The following ZNF469 variants were observed in gnomAD, a reference collection of about 807,000 sequenced individuals.
ZNF469 encodes zinc finger protein 469.
A neutral mutation model predicts 1.0 loss-of-function variants in ZNF469; 1 was observed. The ratio of observed to expected loss-of-function variants is 1.00; its 90% CI spans 0.35 to 4.73. The LOEUF is 4.73. ZNF469 is among the 30% of genes most tolerant of loss of function. The pLI is 0.16. For synonymous variants in ZNF469, 2,703 were observed against 2,363.4 expected (o/e 1.14, Z -4.17); for missense variants, 6,100 against 5,356.3 (o/e 1.14, Z -4.33).
the ZNF469 span, among the ~76,000 whole-genome samples, chr16:88,213,300 T>C: frequency 1.3e-5 from 2 of 152,086 alleles, no homozygotes; most frequent in Non-Finnish European, 2.9e-5. Flanking sequence ...AGAGTTTCAC[T>C]GTGTTAGCCA....
the ZNF469 span, among the ~76,000 whole-genome samples, chr16:88,366,793 C>G: frequency 1.5e-4 from 23 of 151,558 alleles, no homozygotes; most frequent in African/African-American, 5.3e-4. Context: ...ACCATCATCA[C>G]CAATACCATT....
At chr16:88,350,872 C>T in the ZNF469 span, among the ~76,000 whole-genome samples, 1 of 152,216 alleles carries the variant, frequency 6.6e-6, no homozygotes, top group Non-Finnish European at 1.5e-5. Context: ...AAAGATTCTC[C>T]CCTGGAGCTT....
In ZNF469 at chr16:88,434,742, A is replaced by C. The variant is rs572687871; in HGVS notation, c.7272A>C (p.Gln2424His). 2.6e-6 allele frequency: 4 copies of C among 1,550,130 alleles called. No individual in the cohort carries two copies. The highest frequency in any genetic ancestry group is 3.5e-6 in the Non-Finnish European group (4 of 1,146,936). The change falls in exon 3 of 3, where the codon CAA (glutamine) becomes CAC (histidine). Residue 2424 changes from glutamine (Q) to histidine (H), a missense_variant. Transcript: ENST00000565624. ...TASDFQSDSPQSHRNASHQTP... is the reference protein window; with the variant it reads ...TASDFQSDSPHSHRNASHQTP... ...GTGACTTCCAGTCTGACTCCCCCCA[A>C]AGCCACAGAAATGCCTCCCACCAGA...
rs555544144 is a variant in ZNF469 at position 88,431,998 on chromosome 16, ATGC to A, written c.4532_4534del (p.Leu1511del). ...TTTGCTGCTTGAGGAAGTATCCCCGATGCTGCCTAGCCATTTTCCTGATCTCTC... is the reference window on the plus strand; with the variant it reads ...TTTGCTGCTTGAGGAAGTATCCCCGATGCCTAGCCATTTTCCTGATCTCTC... On this transcript the variant is annotated inframe_deletion, in exon 3 of 3. Coordinates refer to ENST00000565624, the MANE Select transcript of ZNF469 (RefSeq NM_001367624.2). 4.5e-4 allele frequency: 697 copies of A among 1,548,844 alleles called. 3 individuals carry two copies. The African/African-American group carries it at 8.5e-3, about 19-fold the overall frequency.
the ZNF469 span, among the ~76,000 whole-genome samples, chr16:88,243,942 ATATATATAT>A: frequency 1.8e-5 from 2 of 112,504 alleles, no homozygotes; most frequent in African/African-American, 7.4e-5. Context: ...ATATATATAT[ATATATATAT>A]AAATGTATGT....
At chr16:88,355,421 G>A in the ZNF469 span, among the ~76,000 whole-genome samples, 7 of 152,340 alleles carry the variant, frequency 4.6e-5, no homozygotes, top group South Asian at 2.1e-4. Flanking sequence ...GCTCACGGAC[G>A]AATCAGCTCC....
chr16:88,327,926 AAC>A, the ZNF469 span, among the ~76,000 whole-genome samples: 52 of 152,312 alleles, frequency 3.4e-4, no homozygotes, highest in African/African-American at 1.2e-3. Context: ...GTCTACCAGA[AAC>A]ACTTTCACGG....
At chr16:88,220,509 C>A in the ZNF469 span, among the ~76,000 whole-genome samples, 4 of 152,194 alleles carry the variant, frequency 2.6e-5, no homozygotes, top group African/African-American at 7.2e-5. Context: ...CAGTGTGACC[C>A]ATGACGGGAC....
At position 88,390,369 on chromosome 16, in the gene ZNF469, C is replaced by T. The variant is rs149578953; in HGVS notation, c.-192+7115C>T. On this transcript the variant is annotated intron_variant, in intron 1 of 2. Transcript: ENST00000565624. ...TCAGGGCACCTGTCCAGAGCCTACC[C>T]AGTGGGGAGCAGTCAGAGGGGTTGG... Among the ~76,000 whole-genome samples, 1,231 of 152,318 alleles carry T rather than the reference C, an allele frequency of 8.1e-3. 7 individuals are homozygous for T. Among genetic ancestry groups the T allele is most frequent in the Non-Finnish European group, 0.014 (927 of 68,012 alleles).
intron 1 of ZNF469, among the ~76,000 whole-genome samples, chr16:88,384,226 G>A (rs892409950): frequency 3.3e-5 from 5 of 152,210 alleles, no homozygotes; most frequent in African/African-American, 1.2e-4. Flanking sequence ...CTGATGCTGG[G>A]AAGTGAGCAC....
At chr16:88,370,032 A>G in the ZNF469 span, among the ~76,000 whole-genome samples, 1 of 152,236 alleles carries the variant, frequency 6.6e-6, no homozygotes, top group Non-Finnish European at 1.5e-5. Context: ...CACTCCAGCA[A>G]AACCCAAACA....
At chr16:88,250,754 G>A in the ZNF469 span, among the ~76,000 whole-genome samples, 1 of 152,102 alleles carries the variant, frequency 6.6e-6, no homozygotes, top group Admixed American at 6.5e-5. Flanking sequence ...ACCCCAATCT[G>A]TTTAAAAACT....
At chr16:88,315,787 G>A in the ZNF469 span, among the ~76,000 whole-genome samples, 1 of 152,212 alleles carries the variant, frequency 6.6e-6, no homozygotes, top group East Asian at 1.9e-4. Context: ...ACAAGAGCAG[G>A]CCTGGGCTGG....
At chr16:88,118,664 G>A in the ZNF469 span, among the ~76,000 whole-genome samples, 538 of 152,246 alleles carry the variant, frequency 3.5e-3, 8 homozygotes, top group Admixed American at 0.027. Flanking sequence ...CCGACTCTAC[G>A]GCTTCCTTAG....
chr16:88,193,958 C>T, the ZNF469 span, among the ~76,000 whole-genome samples: 1 of 152,192 alleles, frequency 6.6e-6, no homozygotes, highest in Admixed American at 6.5e-5. Context: ...CTCTCGAAGG[C>T]CCCACTTCCT....
At chr16:88,152,883 T>A in the ZNF469 span, among the ~76,000 whole-genome samples, 4 of 152,160 alleles carry the variant, frequency 2.6e-5, no homozygotes, top group Admixed American at 1.3e-4. The surrounding 1 kb of genome is among the most constrained non-coding windows in gnomAD (Gnocchi z 4.2). Flanking sequence ...TTTTCATTAA[T>A]GGTTTTGGAG....
At chr16:88,316,282 G>A in the ZNF469 span, among the ~76,000 whole-genome samples, 9 of 152,344 alleles carry the variant, frequency 5.9e-5, no homozygotes, top group Non-Finnish European at 1.0e-4. Flanking sequence ...GATCGCAGCT[G>A]CCAGCCCTGG....
At chr16:88,395,283 ATGGGTGGATGGATTGATGGGTTGGGTGGG>A (rs1480180707) in intron 1 of ZNF469, among the ~76,000 whole-genome samples, 3 of 97,940 alleles carry the variant, frequency 3.1e-5, no homozygotes, top group South Asian at 7.8e-4. Context: ...GGATGGATGG[ATGGGTGGATGGATTGATGGGTTGGGTGGG>A]TGGGTGGATG....
chr16:88,220,797 T>G, the ZNF469 span, among the ~76,000 whole-genome samples: 1 of 152,292 alleles, frequency 6.6e-6, no homozygotes, highest in South Asian at 2.1e-4. Context: ...CCTACACCCT[T>G]GAACATTCCC....
Sources: allele counts gnomAD v4.1 joint callset (sites outside exome capture counted in the v4.1 genomes callset), GRCh38; gene constraint gnomAD v4.1.1; non-coding constraint Gnocchi (gnomAD v3.1); transcripts MANE v1.5; gene names NCBI Gene and HGNC (gene_info 2026-07-23, HGNC 2026-07-21).